CDH4: variants seen among roughly 807,000 people sequenced by gnomAD.
The protein encoded by CDH4 is cadherin-4.
In CDH4, 33 loss-of-function variants were observed where a neutral mutation model predicts 86.0. That is an observed-to-expected ratio of 0.38 (90% CI 0.29 to 0.51). The LOEUF (loss-of-function observed/expected upper bound fraction) is 0.51, where lower values mean the gene tolerates loss of function less well. CDH4 is among the 20% of genes least tolerant of loss of function. CDH4 has a pLI of 0.86. For synonymous variants in CDH4, 555 were observed against 549.4 expected, an observed-to-expected ratio of 1.01 and a Z score of -0.14; for missense variants, 1,114 against 1,307.4, an observed-to-expected ratio of 0.85 and a Z score of 2.28.
chr20:61,554,247 C>G (rs1353874461), intron 2 of CDH4, among the ~76,000 whole-genome samples: 2 of 152,164 alleles, frequency 1.3e-5, no homozygotes, highest in Admixed American at 1.3e-4. Context: ...CCTTCTGGTT[C>G]ACATTGCCCT....
At chr20:61,568,532 C>T (rs528387121) in intron 2 of CDH4, among the ~76,000 whole-genome samples, 4 of 152,296 alleles carry the variant, frequency 2.6e-5, no homozygotes, top group African/African-American at 9.6e-5. Context: ...AACTGACTAG[C>T]GCATATAGCC....
chr20:61,659,732 G>C (rs1463823150), intron 2 of CDH4, among the ~76,000 whole-genome samples: 2 of 151,970 alleles, frequency 1.3e-5, no homozygotes, highest in Non-Finnish European at 2.9e-5. Context: ...GAGGCAGGAG[G>C]AGGGTGGGCC....
At chr20:61,389,800 T>C (rs966660310) in intron 2 of CDH4, among the ~76,000 whole-genome samples, 10 of 152,206 alleles carry the variant, frequency 6.6e-5, no homozygotes, top group Admixed American at 3.9e-4. Context: ...AAAGTGCCCA[T>C]AGCACCATGT....
chr20:61,444,182 ATCTC>A (rs1172828103), intron 2 of CDH4, among the ~76,000 whole-genome samples: 6 of 108,696 alleles, frequency 5.5e-5, no homozygotes, highest in Non-Finnish European at 4.0e-5. Flanking sequence ...GTCTTTGTGG[ATCTC>A]TCTATGTGGG....
chr20:61,278,163 A>G (rs1317001807), intron 2 of CDH4, among the ~76,000 whole-genome samples: 1 of 152,112 alleles, frequency 6.6e-6, no homozygotes, highest in Non-Finnish European at 1.5e-5. Context: ...GTATGGACTC[A>G]TTGCTTCTCC....
chr20:61,521,299 G>T (rs2085867117), intron 2 of CDH4, among the ~76,000 whole-genome samples: 1 of 152,210 alleles, frequency 6.6e-6, no homozygotes, highest in African/African-American at 2.4e-5. Context: ...GAGAGGAGGG[G>T]CAGCTAGACA....
chr20:61,415,888 C>T lies in CDH4; in HGVS notation c.169+160951C>T, dbSNP rs923850941. ...CTACTTGTCGTATTTTTAGTAGAGA[C>T]GGGGTTTTGCCATTTTGCCCAGGTT... On this transcript the variant is annotated intron_variant, in intron 2 of 15. Coordinates refer to ENST00000614565, the MANE Select transcript of CDH4 (RefSeq NM_001794.5). Among the ~76,000 whole-genome samples, 6 of 151,846 alleles carry T rather than the reference C, an allele frequency of 4.0e-5. No homozygotes were observed. The East Asian group carries it at 5.8e-4, about 15-fold the overall frequency.
At chr20:61,595,644 A>G (rs1303917663) in intron 2 of CDH4, among the ~76,000 whole-genome samples, 1 of 152,144 alleles carries the variant, frequency 6.6e-6, no homozygotes, top group East Asian at 1.9e-4. Flanking sequence ...TCATTTAGAG[A>G]ACGTTAGCCA....
At chr20:61,575,803 A>G (rs545024335) in intron 2 of CDH4, among the ~76,000 whole-genome samples, 3 of 152,334 alleles carry the variant, frequency 2.0e-5, no homozygotes, top group South Asian at 2.1e-4. Context: ...TGAGCAGCAT[A>G]TGATAAAAGA....
rs865813105 is a variant in CDH4 at position 61,894,956 on chromosome 20, G to A, written c.1097G>A (p.Gly366Glu). 3 of 1,613,836 alleles carry A rather than the reference G, an allele frequency of 1.9e-6. No homozygotes were observed. The highest frequency in any genetic ancestry group is 2.5e-6 in the Non-Finnish European group (3 of 1,179,988). The part of the protein sequence containing the change: ...TVIVQATDME[G>E]NLNYGLSNTA... ...ATCGTTCAGGCCACAGATATGGAAG[G>A]AAATCTCAACTATGGCCTCTCAAAC... The change falls in exon 8 of 16, where the codon GGA (glycine) becomes GAA (glutamate). Residue 366 changes from glycine to glutamate, a missense_variant. By Grantham distance (98) the Gly-to-Glu change is moderately conservative. Coordinates refer to ENST00000614565, the MANE Select transcript of CDH4 (RefSeq NM_001794.5).
At chr20:61,443,726 C>T (rs1192289436) in intron 2 of CDH4, among the ~76,000 whole-genome samples, 1 of 152,076 alleles carries the variant, frequency 6.6e-6, no homozygotes, top group Non-Finnish European at 1.5e-5. Context: ...GATTTATACG[C>T]GGGCAGGGCC....
At chr20:61,546,926 C>T (rs918661392) in intron 2 of CDH4, among the ~76,000 whole-genome samples, 5 of 152,218 alleles carry the variant, frequency 3.3e-5, no homozygotes, top group East Asian at 1.9e-4. Context: ...TCTCTTCTTC[C>T]GTCTCCGTGC....
At chr20:61,457,157 C>T (rs2085411158) in intron 2 of CDH4, among the ~76,000 whole-genome samples, 1 of 152,142 alleles carries the variant, frequency 6.6e-6, no homozygotes, top group Non-Finnish European at 1.5e-5. Flanking sequence ...GTGTTGCTAT[C>T]ACCACGGGGG....
intron 2 of CDH4, among the ~76,000 whole-genome samples, chr20:61,366,101 AG>A (rs2084809794): frequency 6.6e-6 from 1 of 152,126 alleles, no homozygotes; most frequent in Non-Finnish European, 1.5e-5. Flanking sequence ...AGTCAGAAGG[AG>A]GGTAAGTGTC....
rs559463549 is a variant in CDH4, at chr20:61,609,083, A to T, written c.170-134480A>T. 1.9e-3 allele frequency among the ~76,000 whole-genome samples: 290 copies of T among 152,332 alleles called. 3 individuals carry two copies. Among genetic ancestry groups the T allele is most frequent in the African/African-American group, 6.6e-3 (275 of 41,582 alleles). On this transcript the variant is annotated intron_variant, in intron 2 of 15. Transcript: ENST00000614565. ...GTTTTCCTTCTCAGGTTTTGCGGCT[A>T]CAGGGACCCCCTCAAGCATCATGTG...
intron 2 of CDH4, among the ~76,000 whole-genome samples, chr20:61,456,257 G>A (rs2145552966): frequency 6.6e-6 from 1 of 152,274 alleles, no homozygotes; most frequent in African/African-American, 2.4e-5. Flanking sequence ...AGGCACAATG[G>A]GCCTCTCCAC....
intron 4 of CDH4, among the ~76,000 whole-genome samples, chr20:61,839,918 TC>T (rs1982082851): frequency 2.0e-5 from 3 of 151,276 alleles, no homozygotes; most frequent in African/African-American, 7.3e-5. Context: ...TGTGTGTGTG[TC>T]ATGTGTACAT....
intron 2 of CDH4, among the ~76,000 whole-genome samples, chr20:61,289,213 A>G (rs1411530823): frequency 6.6e-6 from 1 of 152,156 alleles, no homozygotes; most frequent in Non-Finnish European, 1.5e-5. Context: ...GAACAGTGGC[A>G]TGTGCTGAGC....
intron 8 of CDH4, among the ~76,000 whole-genome samples, chr20:61,901,846 C>CA (rs1568876923): frequency 6.6e-6 from 1 of 152,192 alleles, no homozygotes; most frequent in Non-Finnish European, 1.5e-5. Context: ...TGGGAAGAGG[C>CA]AAAAGGAGGT....
Sources: allele counts gnomAD v4.1 joint callset (sites outside exome capture counted in the v4.1 genomes callset), GRCh38; gene constraint gnomAD v4.1.1; transcripts MANE v1.5; gene names NCBI Gene and HGNC (gene_info 2026-07-23, HGNC 2026-07-21).